EBF1: variants seen among roughly 807,000 people sequenced by gnomAD.
The protein encoded by EBF1 is EBF transcription factor 1, also known as transcription factor COE1.
Under a neutral mutation model 68.4 loss-of-function variants are expected in EBF1, and 10 were observed. The observed-to-expected ratio is 0.15, with a 90% CI of 0.09 to 0.25. The LOEUF (loss-of-function observed/expected upper bound fraction) is 0.25. EBF1 is among the 10% of genes least tolerant of loss of function. The probability of loss-of-function intolerance (pLI) is 1.00; values close to 1 mark genes in which losing one functional copy is unlikely to be tolerated. For missense variants in EBF1, 509 were observed against 794.4 expected (o/e 0.64, Z 4.32); for synonymous variants, 298 against 299.8 (o/e 0.99, Z 0.06).
At chr5:158,840,645 G>GTTTTTTTTTTTTTTTT (rs534374216) in intron 6 of EBF1, among the ~76,000 whole-genome samples, 14 of 64,816 alleles carry the variant, frequency 2.2e-4, no homozygotes, top group Non-Finnish European at 2.8e-4. Context: ...AATACCTCCT[G>GTTTTTTTTTTTTTTTT]TTTTTTTTTT....
chr5:158,978,924 A>T (rs1207474638), intron 6 of EBF1, among the ~76,000 whole-genome samples: 12 of 152,030 alleles, frequency 7.9e-5, no homozygotes, highest in Non-Finnish European at 1.8e-4. Flanking sequence ...AATATTCTCC[A>T]TTCGGTGTAG....
intron 10 of EBF1, among the ~76,000 whole-genome samples, chr5:158,774,826 A>G (rs1774746189): frequency 6.6e-6 from 1 of 151,818 alleles, no homozygotes; most frequent in South Asian, 2.1e-4. Context: ...TGTGTAGGTC[A>G]CCAATGAACA....
chr5:158,700,836 G>A (rs1756595446), intron 15 of EBF1, among the ~76,000 whole-genome samples: 2 of 152,086 alleles, frequency 1.3e-5, no homozygotes, highest in Non-Finnish European at 2.9e-5. Context: ...GCCCTCATAA[G>A]CCTTTTTTTC....
At chr5:158,820,103 C>T (rs1480952426) in intron 8 of EBF1, among the ~76,000 whole-genome samples, 1 of 152,036 alleles carries the variant, frequency 6.6e-6, no homozygotes, top group East Asian at 1.9e-4. Context: ...AACAGTCTGA[C>T]AAGCAGGATA....
intron 6 of EBF1, among the ~76,000 whole-genome samples, chr5:158,843,968 T>C (rs2127978224): frequency 6.6e-6 from 1 of 152,302 alleles, no homozygotes; most frequent in African/African-American, 2.4e-5. Flanking sequence ...GAGGTTATTG[T>C]AACTCAAAAC....
At chr5:158,805,716 G>T (rs539128788) in intron 8 of EBF1, among the ~76,000 whole-genome samples, 2 of 152,098 alleles carry the variant, frequency 1.3e-5, no homozygotes, top group Admixed American at 1.3e-4. Context: ...TGTAATAGGA[G>T]TTTACGTTGA....
rs748366702 is a variant in EBF1 at position 159,084,771 on chromosome 5, T to C, written c.412-32A>G. On this transcript the variant is annotated intron_variant, in intron 4 of 15. Coordinates refer to ENST00000313708, the MANE Select transcript of EBF1 (RefSeq NM_024007.5). ...GCAAAAGCACAGTTTTAGCTAAGAA[T>C]GGAAAGGAGTAGCAGAAAAAAAAAA... 3 of 1,529,600 alleles carry C rather than the reference T, an allele frequency of 2.0e-6. No homozygotes were observed. The South Asian group carries it at 3.8e-5, about 19-fold the overall frequency. The allele number at this position is 1,529,600 out of a possible 1,614,324, so 94.8% of individuals were successfully genotyped here. A position where few individuals can be genotyped will look rare whatever the true frequency, so the allele number is the denominator to read the frequency against.
intron 6 of EBF1, among the ~76,000 whole-genome samples, chr5:158,905,067 C>T (rs924905375): frequency 1.3e-5 from 2 of 152,114 alleles, no homozygotes; most frequent in Non-Finnish European, 2.9e-5. Context: ...AAATCTGCAC[C>T]CAGGGAAGAA....
rs1390004625 is a variant in EBF1, at chr5:158,697,927, G to C, written c.*1184C>G. On this transcript the variant is annotated 3_prime_UTR_variant, in exon 16 of 16. Transcript: ENST00000313708. ...AAATTCCCATAGAACAGAAAACTATGTTTTGGAGGTCTCAACCTTCTTTTC... is the reference window on the plus strand; with the variant it reads ...AAATTCCCATAGAACAGAAAACTATCTTTTGGAGGTCTCAACCTTCTTTTC... 4.8e-6 allele frequency: 1 copy of C among 209,272 alleles called. No individual in the cohort carries two copies. Among genetic ancestry groups the C allele is most frequent in the Non-Finnish European group, 9.7e-6 (1 of 103,034 alleles). The allele number at this position is 209,272 out of a possible 1,614,324, so 13.0% of individuals were successfully genotyped here. A position where few individuals can be genotyped will look rare whatever the true frequency, so the allele number is the denominator to read the frequency against.
intron 5 of EBF1, among the ~76,000 whole-genome samples, chr5:159,074,310 G>A (rs1248250003): frequency 6.6e-6 from 1 of 152,178 alleles, no homozygotes; most frequent in Non-Finnish European, 1.5e-5. Flanking sequence ...AACATTTTAT[G>A]TTTTTGAAAA....
intron 10 of EBF1, among the ~76,000 whole-genome samples, chr5:158,754,054 T>C (rs1355049932): frequency 2.0e-5 from 3 of 152,122 alleles, no homozygotes; most frequent in Non-Finnish European, 4.4e-5. Flanking sequence ...GGCTGGCTTA[T>C]GAAGGTCCAG....
intron 6 of EBF1, among the ~76,000 whole-genome samples, chr5:159,063,669 A>G (rs1776256016): frequency 1.3e-5 from 2 of 152,228 alleles, no homozygotes; most frequent in Non-Finnish European, 2.9e-5. Context: ...AAACAAAACA[A>G]TGAATGAGTC....
At chr5:158,844,816 C>T (rs982226869) in intron 6 of EBF1, among the ~76,000 whole-genome samples, 5 of 152,170 alleles carry the variant, frequency 3.3e-5, no homozygotes, top group African/African-American at 1.2e-4. Flanking sequence ...ATCAATCAGG[C>T]CAGTGTAGGA....
At chr5:158,827,031 A>C (rs1786300190) in intron 7 of EBF1, among the ~76,000 whole-genome samples, 1 of 152,164 alleles carries the variant, frequency 6.6e-6, no homozygotes, top group Non-Finnish European at 1.5e-5. Context: ...CTCAATGGGA[A>C]TAACCACCAT....
At chr5:159,008,502 C>A (rs981830058) in intron 6 of EBF1, among the ~76,000 whole-genome samples, 1 of 150,120 alleles carries the variant, frequency 6.7e-6, no homozygotes, top group African/African-American at 2.4e-5. Flanking sequence ...CCTTTTTAAA[C>A]GTTTTCTTTT....
chr5:158,816,113 T>C (rs111557429), intron 8 of EBF1, among the ~76,000 whole-genome samples: 2,791 of 152,348 alleles, frequency 0.018, 40 homozygotes, highest in Non-Finnish European at 0.029. Flanking sequence ...CTTGCCTTAG[T>C]GGGCTTGGCT....
At chr5:158,753,774 C>T (rs1769443937) in intron 10 of EBF1, among the ~76,000 whole-genome samples, 1 of 152,048 alleles carries the variant, frequency 6.6e-6, no homozygotes, top group African/African-American at 2.4e-5. Flanking sequence ...TTCTCCATGG[C>T]CTATGTTACT....
At chr5:158,847,302 C>T (rs1176127153) in intron 6 of EBF1, among the ~76,000 whole-genome samples, 4 of 152,130 alleles carry the variant, frequency 2.6e-5, no homozygotes, top group East Asian at 3.9e-4. Flanking sequence ...AGGAAAAGGA[C>T]GCACTCCACG....
chr5:158,820,498 G>T (rs1382820457), intron 8 of EBF1, among the ~76,000 whole-genome samples: 1 of 152,152 alleles, frequency 6.6e-6, no homozygotes, highest in Non-Finnish European at 1.5e-5. Context: ...TGAGTGGGTG[G>T]TTTTGTGTGG....
Sources: allele counts gnomAD v4.1 joint callset (sites outside exome capture counted in the v4.1 genomes callset), GRCh38; gene constraint gnomAD v4.1.1; transcripts MANE v1.5; gene names NCBI Gene and HGNC (gene_info 2026-07-23, HGNC 2026-07-21).